CNTN6: variants seen among roughly 807,000 people sequenced by gnomAD.
The protein encoded by CNTN6 is contactin-6.
CNTN6 carries 137 observed loss-of-function variants against 122.8 expected under a neutral mutation model. That is an observed-to-expected ratio of 1.12 (90% confidence interval 0.97 to 1.29). The LOEUF is 1.29. Among genes scored for constraint, CNTN6 ranks in the 50% most tolerant of loss-of-function variants. The pLI is 0.00. For synonymous variants in CNTN6, 570 were observed against 426.0 expected (o/e 1.34, Z -4.16); for missense variants, 1,634 against 1,223.4 (o/e 1.34, Z -5.01).
intron 7 of CNTN6, among the ~76,000 whole-genome samples, chr3:1,299,999 C>T (rs1036585151): frequency 3.6e-4 from 55 of 151,444 alleles, no homozygotes; most frequent in Admixed American, 3.0e-3. Context: ...TTTTTTGAGA[C>T]GGAGTCTTGC....
At chr3:1,334,688 C>T (rs541732852) in intron 11 of CNTN6, among the ~76,000 whole-genome samples, 18 of 152,156 alleles carry the variant, frequency 1.2e-4, no homozygotes, top group African/African-American at 3.9e-4. Flanking sequence ...ACAGAGAGCC[C>T]TATCAGCTAG....
intron 2 of CNTN6, among the ~76,000 whole-genome samples, chr3:1,155,909 T>A (rs538023066): frequency 6.6e-6 from 1 of 152,250 alleles, no homozygotes. Context: ...GAAAACTTCA[T>A]AAAGCACGGC....
intron 11 of CNTN6, among the ~76,000 whole-genome samples, chr3:1,337,877 AT>A (rs1186587780): frequency 6.6e-6 from 1 of 151,796 alleles, no homozygotes; most frequent in Non-Finnish European, 1.5e-5. Context: ...TCTTGTTTTC[AT>A]TTTCCCCTCT....
intron 3 of CNTN6, 21 bp from the exon 4 acceptor site, chr3:1,227,797 T>C: frequency 1.9e-6 from 3 of 1,611,774 alleles, no homozygotes; most frequent in Non-Finnish European, 2.5e-6. Flanking sequence ...TATAAGCACT[T>C]TATTTTTTTT....
At chr3:1,260,629 T>A (rs1308050055) in intron 4 of CNTN6, among the ~76,000 whole-genome samples, 2 of 152,068 alleles carry the variant, frequency 1.3e-5, no homozygotes, top group African/African-American at 4.8e-5. Context: ...TCATCTTGAA[T>A]TGCAGTTCTC....
intron 12 of CNTN6, among the ~76,000 whole-genome samples, chr3:1,357,428 C>A (rs1226884664): frequency 1.3e-5 from 2 of 151,854 alleles, no homozygotes; most frequent in Non-Finnish European, 2.9e-5. Flanking sequence ...TTGTTAAATA[C>A]ATTCTCTGTC....
intron 2 of CNTN6, among the ~76,000 whole-genome samples, chr3:1,200,012 T>C (rs962223876): frequency 6.6e-5 from 10 of 152,166 alleles, no homozygotes; most frequent in African/African-American, 2.4e-4. Flanking sequence ...GATAAAGCGG[T>C]AGAAAACTTT....
intron 1 of CNTN6, among the ~76,000 whole-genome samples, chr3:1,101,140 T>C (rs2090872398): frequency 6.6e-6 from 1 of 152,168 alleles, no homozygotes; most frequent in East Asian, 1.9e-4. Context: ...TATTACCATA[T>C]AGACAGAATG....
intron 9 of CNTN6, among the ~76,000 whole-genome samples, chr3:1,326,892 T>C (rs994986827): frequency 3.9e-5 from 6 of 151,914 alleles, no homozygotes. Flanking sequence ...CTATTAATTA[T>C]GTCACTATGT....
chr3:1,285,128 A>G (rs1274857154), intron 5 of CNTN6, among the ~76,000 whole-genome samples: 4 of 152,224 alleles, frequency 2.6e-5, no homozygotes, highest in African/African-American at 9.6e-5. Context: ...CAGGTGAGAG[A>G]GAATGGTGAC....
intron 3 of CNTN6, among the ~76,000 whole-genome samples, chr3:1,221,614 G>T (rs1040496435): frequency 1.3e-5 from 2 of 152,090 alleles, no homozygotes; most frequent in African/African-American, 4.8e-5. Flanking sequence ...AGGGAGAAAG[G>T]GTCAGTAAGT....
At chr3:1,389,945 C>T (rs1209492677) in intron 20 of CNTN6, among the ~76,000 whole-genome samples, 4 of 150,384 alleles carry the variant, frequency 2.7e-5, no homozygotes, top group Non-Finnish European at 5.9e-5. Context: ...ACTTAGACTC[C>T]CACACATTAA....
chr3:1,325,743 C>T, intron 8 of CNTN6, 72 bp from the exon 9 acceptor site: 1 of 1,527,542 alleles, frequency 6.5e-7, no homozygotes, highest in African/African-American at 1.4e-5. Context: ...ATCTCTACAG[C>T]CCTTGTAATG....
chr3:1,162,516 A>T (rs571697365), intron 2 of CNTN6, among the ~76,000 whole-genome samples: 4 of 152,316 alleles, frequency 2.6e-5, no homozygotes, highest in Admixed American at 2.6e-4. Context: ...CTTAATTGCC[A>T]ATTGTCTTTT....
chr3:1,243,557 G>C (rs899047688), intron 4 of CNTN6, among the ~76,000 whole-genome samples: 1 of 151,884 alleles, frequency 6.6e-6, no homozygotes, highest in Non-Finnish European at 1.5e-5. Flanking sequence ...TTAGGGTCTA[G>C]GGCTGTAAAG....
chr3:1,395,464 G>A (rs542011624), intron 20 of CNTN6, among the ~76,000 whole-genome samples: 86 of 152,156 alleles, frequency 5.7e-4, no homozygotes, highest in African/African-American at 1.9e-3. Context: ...CCTTAGGTTT[G>A]TGACCCCTTC....
At chr3:1,318,243 T>C (rs200068249) in intron 7 of CNTN6, among the ~76,000 whole-genome samples, 3 of 151,878 alleles carry the variant, frequency 2.0e-5, no homozygotes, top group Non-Finnish European at 4.4e-5. Flanking sequence ...TCTGGTGTGA[T>C]TGTAGCTCTG....
chr3:1,369,280 A>G (rs1708653600), intron 12 of CNTN6, among the ~76,000 whole-genome samples: 1 of 151,988 alleles, frequency 6.6e-6, no homozygotes, highest in South Asian at 2.1e-4. Flanking sequence ...CTTATCACAC[A>G]TTACTGTATA....
At chr3:1,228,072 C>G (rs1488469873) in intron 4 of CNTN6, 79 bp downstream of exon 4, 3 of 1,364,084 alleles carry the variant, frequency 2.2e-6, no homozygotes, top group Non-Finnish European at 3.1e-6. Flanking sequence ...AAAAATCTAG[C>G]TTTGCCAATG....
Sources: allele counts gnomAD v4.1 joint callset (sites outside exome capture counted in the v4.1 genomes callset), GRCh38; gene constraint gnomAD v4.1.1; transcripts MANE v1.5; gene names NCBI Gene and HGNC (gene_info 2026-07-23, HGNC 2026-07-21).